The following OPRM1 variants were observed in gnomAD, a reference collection of about 807,000 sequenced individuals.
OPRM1 encodes the protein mu-type opioid receptor.
OPRM1 carries 27 observed loss-of-function variants against 31.8 expected under a neutral mutation model. The observed-to-expected ratio is 0.85, with a 90% confidence interval of 0.63 to 1.17. OPRM1 has a LOEUF of 1.17. Among genes scored for constraint, OPRM1 ranks in the 50% most tolerant of loss-of-function variants. The pLI, the probability that OPRM1 is intolerant of heterozygous loss-of-function variation, is 0.00. For synonymous variants in OPRM1, 196 were observed against 189.9 expected (o/e 1.03, Z -0.26); for missense variants, 536 against 511.1 (o/e 1.05, Z -0.47).
intron 3 of OPRM1, among the ~76,000 whole-genome samples, chr6:154,221,102 A>G (rs1019099867): frequency 6.6e-6 from 1 of 152,254 alleles, no homozygotes; most frequent in African/African-American, 2.4e-5. Flanking sequence ...CTAGAGAAGA[A>G]AGCACGAAGG....
At chr6:154,026,923 A>G (rs1778729308) in intron 1 of OPRM1, among the ~76,000 whole-genome samples, 1 of 152,076 alleles carries the variant, frequency 6.6e-6, no homozygotes, top group African/African-American at 2.4e-5. Flanking sequence ...GATATGTCAC[A>G]TATCTTTGTT....
chr6:154,161,756 T>C (rs921294780), intron 3 of OPRM1, among the ~76,000 whole-genome samples: 2 of 152,216 alleles, frequency 1.3e-5, no homozygotes, highest in African/African-American at 4.8e-5. Context: ...TCCCTGCACC[T>C]AACGCAATGC....
chr6:154,131,942 G>GTTTTTTTTTTTTTTTTTT lies in OPRM1; in HGVS notation c.*13236_*13237insTTTTTTTTTTTTTTTTTT, dbSNP rs11301836. On this transcript the variant is annotated 3_prime_UTR_variant, in exon 4 of 4. Transcript: ENST00000330432. ...CTGGGAGTTTTTCTATAAGTTTTTG[G>GTTTTTTTTTTTTTTTTTT]TTTTTTTTTTTTTTTCTCTTCATTA... Among the ~76,000 whole-genome samples the GTTTTTTTTTTTTTTTTTT allele has an allele frequency of 1.5e-5, 2 of 137,336 alleles. No homozygotes were observed. The highest frequency in any genetic ancestry group is 3.2e-5 in the Non-Finnish European group (2 of 63,348). 90.1% of individuals were successfully genotyped at this position (137,336 alleles called of 152,430 possible).
intron 3 of OPRM1, among the ~76,000 whole-genome samples, chr6:154,207,443 C>T (rs188983155): frequency 1.1e-4 from 17 of 152,334 alleles, no homozygotes; most frequent in Admixed American, 1.0e-3. Context: ...TCATTTAGTA[C>T]AGATATTGAA....
intron 1 of OPRM1, among the ~76,000 whole-genome samples, chr6:154,069,815 AC>A (rs377534608): frequency 8.7e-4 from 133 of 152,172 alleles, no homozygotes; most frequent in African/African-American, 3.1e-3. Flanking sequence ...TGAGATATAA[AC>A]TTAAGGTCTT....
upstream of OPRM1, among the ~76,000 whole-genome samples, chr6:154,035,537 A>G (rs535545610): frequency 3.3e-5 from 5 of 152,206 alleles, no homozygotes; most frequent in Non-Finnish European, 7.4e-5. Context: ...GCTTCAAACC[A>G]CTGTAATTGT....
chr6:154,169,463 A>G (rs897842950), intron 3 of OPRM1, among the ~76,000 whole-genome samples: 1 of 152,198 alleles, frequency 6.6e-6, no homozygotes, highest in African/African-American at 2.4e-5. Flanking sequence ...AACCCATGCA[A>G]GTCGACAAAT....
At chr6:154,047,321 G>A (rs1781312309) in intron 1 of OPRM1, among the ~76,000 whole-genome samples, 1 of 152,108 alleles carries the variant, frequency 6.6e-6, no homozygotes, top group Non-Finnish European at 1.5e-5. Flanking sequence ...GGGCCTGGGT[G>A]CAAGATGGGG....
intron 3 of OPRM1, among the ~76,000 whole-genome samples, chr6:154,188,430 C>A (rs896896983): frequency 6.6e-6 from 1 of 152,094 alleles, no homozygotes; most frequent in Non-Finnish European, 1.5e-5. Flanking sequence ...TTCTGTTTCC[C>A]CCAGATTGAA....
chr6:154,096,187 G>A (rs1793351724), intron 3 of OPRM1, among the ~76,000 whole-genome samples: 1 of 152,120 alleles, frequency 6.6e-6, no homozygotes, highest in Non-Finnish European at 1.5e-5. Flanking sequence ...CTCCCCAGTA[G>A]CTGGGATTAC....
intron 3 of OPRM1, among the ~76,000 whole-genome samples, chr6:154,145,920 C>T (rs1372527504): frequency 6.6e-6 from 1 of 152,232 alleles, no homozygotes. Context: ...AGCAATTGGA[C>T]ATCCATAGGC....
chr6:154,099,995 AT>A (rs1373478024), intron 3 of OPRM1, among the ~76,000 whole-genome samples: 1 of 137,866 alleles, frequency 7.3e-6, no homozygotes, highest in East Asian at 2.1e-4. Context: ...CATATTATAT[AT>A]TATCATATTA....
intron 3 of OPRM1, among the ~76,000 whole-genome samples, chr6:154,202,567 C>A (rs549780489): frequency 5.9e-5 from 9 of 152,300 alleles, no homozygotes; most frequent in Non-Finnish European, 1.3e-4. Context: ...ACCAAATAAG[C>A]TTTTCCTCTT....
At chr6:154,181,668 C>T (rs758879480) in intron 3 of OPRM1, among the ~76,000 whole-genome samples, 2 of 152,212 alleles carry the variant, frequency 1.3e-5, no homozygotes, top group South Asian at 2.1e-4. Context: ...AATCCCCACC[C>T]GGAGCCTCTG....
intron 1 of OPRM1, 81 bp from the exon 2 acceptor site, chr6:154,089,745 G>A: frequency 1.0e-6 from 1 of 971,466 alleles, no homozygotes; most frequent in African/African-American, 1.6e-5. Context: ...ACTAATTCAT[G>A]CAAATTTATT....
intron 3 of OPRM1, among the ~76,000 whole-genome samples, chr6:154,146,636 G>C (rs145653390): frequency 6.6e-6 from 1 of 152,222 alleles, no homozygotes; most frequent in African/African-American, 2.4e-5. Context: ...TTAGGGAAAA[G>C]AGCATTTGCA....
intron 3 of OPRM1, among the ~76,000 whole-genome samples, chr6:154,187,273 C>G (rs769244348): frequency 1.3e-5 from 2 of 152,118 alleles, no homozygotes; most frequent in Non-Finnish European, 2.9e-5. Context: ...CTCTCTCTAA[C>G]CCCCTTGCCC....
At chr6:154,179,169 C>A (rs1800620221) in intron 3 of OPRM1, among the ~76,000 whole-genome samples, 1 of 152,058 alleles carries the variant, frequency 6.6e-6, no homozygotes, top group African/African-American at 2.4e-5. Flanking sequence ...CAAAAACAGA[C>A]CCAAAAGGTA....
At chr6:154,229,897 C>T (rs1779590476) in intron 3 of OPRM1, among the ~76,000 whole-genome samples, 2 of 152,160 alleles carry the variant, frequency 1.3e-5, no homozygotes, top group Admixed American at 1.3e-4. Context: ...AAGGAGCAAA[C>T]CAGTGACGCT....
Sources: gnomAD v4.1 joint callset for allele counts (sites outside exome capture counted in the v4.1 genomes callset) on GRCh38, gnomAD v4.1.1 for gene constraint, MANE v1.5 for transcripts, NCBI Gene and HGNC (gene_info 2026-07-23, HGNC 2026-07-21) for gene names.